PLEKHD1: variants seen among roughly 807,000 people sequenced by gnomAD.
PLEKHD1 encodes pleckstrin homology domain-containing family D member 1.
Under a neutral mutation model 69.2 loss-of-function variants are expected in PLEKHD1, and 51 were observed. The observed-to-expected ratio is 0.74, with a 90% confidence interval of 0.59 to 0.93. The LOEUF (loss-of-function observed/expected upper bound fraction) is 0.93. PLEKHD1 is among the 40% of genes least tolerant of loss of function. PLEKHD1 has a pLI of 0.00. For synonymous variants in PLEKHD1, 236 were observed against 244.7 expected, an observed-to-expected ratio of 0.96 and a Z score of 0.33; for missense variants, 584 against 641.0, an observed-to-expected ratio of 0.91 and a Z score of 0.96.
chr14:69,519,109 G>A (rs8015482), intron 6 of PLEKHD1, among the ~76,000 whole-genome samples: 3 of 152,008 alleles, frequency 2.0e-5, no homozygotes, highest in African/African-American at 4.8e-5. Context: ...AGATTTTGGA[G>A]GGGAATTTTG....
At position 69,522,379 on chromosome 14, in the gene PLEKHD1, T is replaced by C. The variant is rs1883537177; in HGVS notation, c.650+2T>C. 1 of 1,550,288 alleles carries C rather than the reference T, an allele frequency of 6.5e-7. No individual in the cohort carries two copies. The highest frequency in any genetic ancestry group is 1.4e-5 in the African/African-American group (1 of 72,762). On this transcript the variant is annotated splice_donor_variant, in intron 7 of 12. Coordinates refer to ENST00000322564, the MANE Select transcript of PLEKHD1 (RefSeq NM_001161498.2). LOFTEE classifies it high-confidence loss of function. ...AATGGAGCAGGAGCAGATCAAGAGG[T>C]GGTGGTGGTGCCTGGGAATTGGGGG...
At chr14:69,503,864 A>AG (rs1491573149) in intron 6 of PLEKHD1, among the ~76,000 whole-genome samples, 4 of 72,182 alleles carry the variant, frequency 5.5e-5, no homozygotes, top group African/African-American at 3.2e-4. Context: ...ACTCCGTCTC[A>AG]AAAAAAAAAA....
chr14:69,502,400 T>C (rs1356864418), intron 5 of PLEKHD1: 1 of 235,412 alleles, frequency 4.2e-6, no homozygotes. Context: ...AGGGTTTGCC[T>C]TCAGCCTGGG....
At chr14:69,501,664 A>G (rs201269806) in intron 4 of PLEKHD1, 70 bp from the exon 5 acceptor site, 1 of 1,213,012 alleles carries the variant, frequency 8.2e-7, no homozygotes, top group East Asian at 2.6e-5. Context: ...TTTCCCCTCT[A>G]CCCTTCTGTT....
At position 69,500,115 on chromosome 14, in the gene PLEKHD1, G is replaced by GT; in HGVS notation, c.155dup (p.Ile53HisfsTer12). ...TTTCCTTCCCCACCGCCCACTATAG[G>GT]TTTTTCATCATCAAAGAGAGCTTTC... is the stretch of plus-strand genomic sequence containing the variant. On this transcript the variant is annotated frameshift_variant and splice_region_variant, in exon 2 of 13. Transcript: ENST00000322564. LOFTEE classifies it high-confidence loss of function. The GT allele has an allele frequency of 6.5e-7, 1 of 1,547,086 alleles. No individual in the cohort carries two copies. The highest frequency in any genetic ancestry group is 8.7e-7 in the Non-Finnish European group (1 of 1,142,976).
intron 6 of PLEKHD1, among the ~76,000 whole-genome samples, chr14:69,512,782 C>A (rs899031156): frequency 6.6e-6 from 1 of 151,820 alleles, no homozygotes; most frequent in African/African-American, 2.4e-5. Context: ...TATTTGTGGT[C>A]TGGGCACAGT....
Position 69,501,951 on chromosome 14 carries a change from C to T in PLEKHD1, c.502+126C>T, listed in dbSNP as rs147540842. ...GGTGGGGCTATGAGGGAACAGAGAC[C>T]AGTTTGGCACCTGGAGGGCTTCCTG... On this transcript the variant is annotated intron_variant, in intron 5 of 12. Coordinates refer to ENST00000322564, the MANE Select transcript of PLEKHD1 (RefSeq NM_001161498.2). The T allele has an allele frequency of 3.8e-4, 309 of 814,408 alleles. 2 individuals are homozygous for T. In the East Asian group the frequency reaches 8.1e-3, roughly 21 times the overall value. 50.4% of individuals were successfully genotyped at this position (814,408 alleles called of 1,614,324 possible).
rs1006773716 is a variant in PLEKHD1, at chr14:69,529,182, T to C, written c.*763T>C. 3 of 152,370 alleles carry C rather than the reference T, an allele frequency of 2.0e-5. No homozygotes were observed. The highest frequency in any genetic ancestry group is 7.2e-5 in the African/African-American group (3 of 41,452). 9.4% of individuals were successfully genotyped at this position (152,370 alleles called of 1,614,324 possible). ...CACCAGTCCCTCCTGCCTGTGTACC[T>C]AGGGCCCTGGCTGGGAGCTGGGGCC... On this transcript the variant is annotated 3_prime_UTR_variant, in exon 13 of 13. Transcript: ENST00000322564.
chr14:69,517,994 TTTTATTTATTTATTTATTTA>T (rs572500099), intron 6 of PLEKHD1, among the ~76,000 whole-genome samples: 1 of 126,758 alleles, frequency 7.9e-6, no homozygotes, highest in East Asian at 2.2e-4. Context: ...CCTGATCTGA[TTTTATTTATTTATTTATTTA>T]TTTATTTATT....
intron 6 of PLEKHD1, among the ~76,000 whole-genome samples, chr14:69,512,450 T>C (rs1436406099): frequency 6.6e-6 from 1 of 152,100 alleles, no homozygotes; most frequent in Non-Finnish European, 1.5e-5. Context: ...TTCTCTTTTT[T>C]TTTCTAGTTT....
the PLEKHD1 span, among the ~76,000 whole-genome samples, chr14:69,468,175 G>C: frequency 6.6e-5 from 10 of 152,164 alleles, no homozygotes; most frequent in Admixed American, 2.0e-4. Context: ...TTCATGGATA[G>C]GACCATGTTT....
At chr14:69,505,174 GACTC>G (rs1404192022) in intron 6 of PLEKHD1, among the ~76,000 whole-genome samples, 2 of 152,192 alleles carry the variant, frequency 1.3e-5, no homozygotes, top group Non-Finnish European at 2.9e-5. Context: ...ATGTGAATGA[GACTC>G]AGGCCCAGCT....
In PLEKHD1 at chr14:69,526,920, ATC is replaced by A. The variant is rs1883664648; in HGVS notation, c.1056+95_1056+96del. The A allele has an allele frequency of 4.9e-6, 7 of 1,434,490 alleles. No homozygotes were observed. In the South Asian group the frequency reaches 7.4e-5, roughly 15 times the overall value. The allele number at this position is 1,434,490 out of a possible 1,614,324, so 88.9% of individuals were successfully genotyped here. A position where few individuals can be genotyped will look rare whatever the true frequency, so the allele number is the denominator to read the frequency against. ...ACTTTACCGGGTAGCTGCATGAATTATCTCTGTCAGTCTGACCAGACAGCCAG... is the reference window on the plus strand; with the variant it reads ...ACTTTACCGGGTAGCTGCATGAATTATCTGTCAGTCTGACCAGACAGCCAG... On this transcript the variant is annotated intron_variant, in intron 10 of 12. Transcript: ENST00000322564.
the PLEKHD1 span, among the ~76,000 whole-genome samples, chr14:69,474,444 G>T: frequency 6.6e-6 from 1 of 152,146 alleles, no homozygotes; most frequent in South Asian, 2.1e-4. Context: ...ACAAAGTTTT[G>T]CCTCCTTTAC....
chr14:69,527,815 C>A lies in PLEKHD1; in HGVS notation c.1234C>A (p.Leu412Met). The change falls in exon 12 of 13, where the codon CTG (leucine) becomes ATG (methionine). Residue 412 changes from leucine to methionine, a missense_variant. Physicochemically the swap from Leu to Met is conservative, Grantham distance 15 (BLOSUM62 2). Transcript: ENST00000322564. ...FFEECIRNAE[L>M]EAKMPVIMKN... Reference sequence around the variant, plus strand: ...TGAGGAGTGCATCCGGAATGCCGAGCTGGAGGCCAAGATGCCTGTGATCAT... The same window carrying A: ...TGAGGAGTGCATCCGGAATGCCGAGATGGAGGCCAAGATGCCTGTGATCAT... 6.4e-7 allele frequency: 1 copy of A among 1,551,484 alleles called. No individual in the cohort carries two copies. The highest frequency in any genetic ancestry group is 8.7e-7 in the Non-Finnish European group (1 of 1,146,984).
At chr14:69,518,031 T>G (rs1594989468) in intron 6 of PLEKHD1, among the ~76,000 whole-genome samples, 1 of 12,420 alleles carries the variant, frequency 8.1e-5, no homozygotes, top group Non-Finnish European at 4.5e-4. Context: ...TATTTATTTA[T>G]TTGTTTGTTT....
At position 69,530,504 on chromosome 14, in the gene PLEKHD1, G is replaced by T. The variant is rs563091516; in HGVS notation, c.*2085G>T. The stretch of plus-strand genomic sequence containing the variant: ...GATTACTGTTTCCTTTTTTTTAAAA[G>T]AATTAATCATGGCTTGCTTTTAGAG... On this transcript the variant is annotated 3_prime_UTR_variant, in exon 13 of 13. Transcript: ENST00000322564. 3.4e-4 allele frequency: 51 copies of T among 152,182 alleles called. No individual in the cohort carries two copies. Among genetic ancestry groups the T allele is most frequent in the African/African-American group, 1.1e-3 (47 of 41,528 alleles). The allele number at this position is 152,182 out of a possible 1,614,324, so 9.4% of individuals were successfully genotyped here.
At chr14:69,499,981 T>C in intron 1 of PLEKHD1, 134 bp from the exon 2 acceptor site, 1 of 642,948 alleles carries the variant, frequency 1.6e-6, no homozygotes, top group Non-Finnish European at 2.8e-6. Flanking sequence ...GGAGCTTGAG[T>C]TGGTAAGGAT....
chr14:69,507,914 T>G (rs1883187475), intron 6 of PLEKHD1, among the ~76,000 whole-genome samples: 1 of 152,070 alleles, frequency 6.6e-6, no homozygotes. Flanking sequence ...GGTCTCCTTA[T>G]GTTGAACTCC....
Sources: allele counts gnomAD v4.1 joint callset (sites outside exome capture counted in the v4.1 genomes callset), GRCh38; gene constraint gnomAD v4.1.1; transcripts MANE v1.5; gene names NCBI Gene and HGNC (gene_info 2026-07-23, HGNC 2026-07-21).